Variants in ELF2 observed in about 807,000 individuals in gnomAD.
ELF2 encodes E74 like ETS transcription factor 2, also known as ETS-related transcription factor Elf-2.
In ELF2, 11 loss-of-function variants were observed where a neutral mutation model predicts 54.8. The ratio of observed to expected loss-of-function variants is 0.20; its 90% CI spans 0.13 to 0.33. The LOEUF is 0.33. Among genes scored for constraint, ELF2 ranks in the 10% least tolerant of loss-of-function variants. The probability of loss-of-function intolerance (pLI) is 1.00; values close to 1 mark genes in which losing one functional copy is unlikely to be tolerated. For synonymous variants in ELF2, 203 were observed against 245.1 expected (o/e 0.83, Z 1.61); for missense variants, 513 against 703.0 (o/e 0.73, Z 3.06).
rs1738495310 is a variant in ELF2 at position 139,139,481 on chromosome 4, C to A, written c.-235G>T. The stretch of plus-strand genomic sequence containing the variant: ...AACTTGGGAAGAGCTAAAATCTGAA[C>A]CAGTAGTTCTTTGGAACTGCCAGCG... On this transcript the variant is annotated 5_prime_UTR_variant, in exon 2 of 10. Transcript: ENST00000686138. 8.1e-7 allele frequency: 1 copy of A among 1,228,930 alleles called. No individual in the cohort carries two copies. The highest frequency in any genetic ancestry group is 4.1e-5 in the South Asian group (1 of 24,280). The allele number at this position is 1,228,930 out of a possible 1,614,324, so 76.1% of individuals were successfully genotyped here.
intron 4 of ELF2, among the ~76,000 whole-genome samples, chr4:139,077,786 A>C (rs1417109286): frequency 6.6e-6 from 1 of 152,210 alleles, no homozygotes; most frequent in Non-Finnish European, 1.5e-5. Context: ...GCAAGAGCTG[A>C]AAAGTAGAAT....
intron 1 of ELF2, among the ~76,000 whole-genome samples, chr4:139,170,080 T>TA (rs1311733446): frequency 6.6e-6 from 1 of 152,000 alleles, no homozygotes; most frequent in Non-Finnish European, 1.5e-5. Flanking sequence ...AAATAGATGA[T>TA]AAAATCTAAC....
Position 139,060,448 on chromosome 4 carries a change from G to A in ELF2, c.1033C>T (p.Pro345Ser), listed in dbSNP as rs1402483926. The A allele has an allele frequency of 8.7e-6, 14 of 1,614,138 alleles. No homozygotes were observed. Among genetic ancestry groups the A allele is most frequent in the Admixed American group, 1.7e-5 (1 of 60,018 alleles). Reference sequence around the variant, plus strand: ...TTCTCTGCTCTGGAGCAGTTTATAGGGGATGAATTTTTTCCACTGCGAACA... The same window carrying A: ...TTCTCTGCTCTGGAGCAGTTTATAGAGGATGAATTTTTTCCACTGCGAACA... The part of the protein sequence containing the change: ...SSVRSGKNSS[P>S]INCSRAEKGV... The change falls in exon 9 of 10, where the codon CCT becomes TCT. Residue 345 changes from proline to serine, a missense_variant. By Grantham distance (74) the Pro-to-Ser change is moderately conservative. Transcript: ENST00000686138.
Position 139,064,315 on chromosome 4 carries a change from A to G in ELF2, c.614-2258T>C, listed in dbSNP as rs531952201. Reference sequence around the variant, plus strand: ...GAGCGACAGAACGAGACTCCGTCTCAAGAAAAAAAGAACAGAAAAGAGTCC... The same window carrying G: ...GAGCGACAGAACGAGACTCCGTCTCGAGAAAAAAAGAACAGAAAAGAGTCC... On this transcript the variant is annotated intron_variant, in intron 7 of 9. Transcript: ENST00000686138. Among the ~76,000 whole-genome samples the G allele has an allele frequency of 2.0e-5, 3 of 152,328 alleles. No homozygotes were observed. The East Asian group carries it at 5.8e-4, about 29-fold the overall frequency.
At chr4:139,081,169 T>C (rs185858183) in intron 4 of ELF2, among the ~76,000 whole-genome samples, 2 of 152,148 alleles carry the variant, frequency 1.3e-5, no homozygotes, top group Non-Finnish European at 2.9e-5. Flanking sequence ...ATATTGTCCA[T>C]GAAATTTTAA....
At chr4:139,169,249 G>A (rs1742020050) in intron 1 of ELF2, among the ~76,000 whole-genome samples, 1 of 151,356 alleles carries the variant, frequency 6.6e-6, no homozygotes. Flanking sequence ...GTGGAAAGTT[G>A]AGGCAGGAGA....
At chr4:139,145,857 C>T (rs1388768756) in intron 1 of ELF2, among the ~76,000 whole-genome samples, 2 of 151,928 alleles carry the variant, frequency 1.3e-5, no homozygotes, top group Admixed American at 6.6e-5. Context: ...GATAAAAACA[C>T]CCAAAAAACA....
Position 139,059,099 on chromosome 4 carries a change from C to T in ELF2, c.1666G>A (p.Glu556Lys), listed in dbSNP as rs1181977202. The T allele has an allele frequency of 9.3e-6, 15 of 1,613,848 alleles. No homozygotes were observed. The highest frequency in any genetic ancestry group is 1.3e-5 in the Non-Finnish European group (15 of 1,179,874). Reference sequence around the variant, plus strand: ...GTCTTATTTCCATCTGCTGGTTTTTCTTCTACTAGCTGCAAAGTTTTCACA... The same window carrying T: ...GTCTTATTTCCATCTGCTGGTTTTTTTTCTACTAGCTGCAAAGTTTTCACA... The part of the protein sequence containing the change: ...HDVKTLQLVE[E>K]KPADGNKTVT... Residue 556 changes from glutamate (E) to lysine (K), a missense_variant, in exon 10 of 10, where the codon GAA becomes AAA. Physicochemically the swap from Glu to Lys is moderately conservative, Grantham distance 56. This residue lies in a region of ELF2 where 291 missense variants were observed against 366.1 expected (regional missense o/e 0.79). Coordinates refer to ENST00000686138, the MANE Select transcript of ELF2 (RefSeq NM_001331036.3).
chr4:139,150,957 G>A lies in ELF2; in HGVS notation c.-251-11460C>T, dbSNP rs1364661643. Among the ~76,000 whole-genome samples the A allele has an allele frequency of 1.0e-4, 14 of 139,032 alleles. No individual in the cohort carries two copies. The East Asian group carries it at 1.6e-3, about 16-fold the overall frequency. The allele number at this position is 139,032 out of a possible 152,430, so 91.2% of individuals were successfully genotyped here. ...GGAGAATGGCGTGAACCCGGGAGGC[G>A]AGCTTGCAGTGAGCCGAGATCGCAC... On this transcript the variant is annotated intron_variant, in intron 1 of 9. Transcript: ENST00000686138.
At chr4:139,156,604 A>C (rs774009404) in intron 1 of ELF2, among the ~76,000 whole-genome samples, 1 of 150,998 alleles carries the variant, frequency 6.6e-6, no homozygotes, top group Non-Finnish European at 1.5e-5. Flanking sequence ...ATAGATATAT[A>C]TATATATATT....
chr4:139,123,141 A>C (rs1736562971), intron 4 of ELF2, among the ~76,000 whole-genome samples: 1 of 150,144 alleles, frequency 6.7e-6, no homozygotes, highest in Non-Finnish European at 1.5e-5. Flanking sequence ...CCGAGATTGC[A>C]CCACTGCACT....
intron 4 of ELF2, among the ~76,000 whole-genome samples, chr4:139,079,022 G>A (rs1269302760): frequency 6.6e-6 from 1 of 151,992 alleles, no homozygotes; most frequent in Non-Finnish European, 1.5e-5. Context: ...TAGATCTCCT[G>A]GGGTGTGATC....
chr4:139,076,638 CAAT>C (rs1453061233), intron 4 of ELF2, among the ~76,000 whole-genome samples: 5 of 151,904 alleles, frequency 3.3e-5, no homozygotes, highest in African/African-American at 1.2e-4. Context: ...TTCAAGTATT[CAAT>C]AATAATACAG....
intron 4 of ELF2, chr4:139,084,459 C>CA: frequency 1.7e-6 from 2 of 1,150,606 alleles, no homozygotes; most frequent in Non-Finnish European, 1.1e-6. Flanking sequence ...GCGGCGGCGG[C>CA]GGCTGTGGCT....
In ELF2 at chr4:139,123,057, A is replaced by G. The variant is rs184718630; in HGVS notation, c.238+2107T>C. 7.0e-3 allele frequency among the ~76,000 whole-genome samples: 1,060 copies of G among 151,486 alleles called. 16 individuals are homozygous for G. The highest frequency in any genetic ancestry group is 0.025 in the African/African-American group (1,017 of 41,326). ...AAATTAGCTGGGCGTGGTGGTGTGC[A>G]CCTGTAGTCCCAGCTACTGGGGAGG... On this transcript the variant is annotated intron_variant, in intron 4 of 9. Coordinates refer to ENST00000686138, the MANE Select transcript of ELF2 (RefSeq NM_001331036.3).
intron 4 of ELF2, among the ~76,000 whole-genome samples, chr4:139,102,505 A>G (rs1733995390): frequency 6.7e-6 from 1 of 149,480 alleles, no homozygotes; most frequent in Non-Finnish European, 1.5e-5. Flanking sequence ...GCACCACTGC[A>G]CTCCAGCCTG....
At chr4:139,106,233 G>A (rs1002094434) in intron 4 of ELF2, among the ~76,000 whole-genome samples, 2 of 152,068 alleles carry the variant, frequency 1.3e-5, no homozygotes, top group African/African-American at 2.4e-5. Flanking sequence ...ACATGACTGA[G>A]AGGCTTTTTT....
chr4:139,110,178 C>A (rs1245831146), intron 4 of ELF2, among the ~76,000 whole-genome samples: 2 of 152,104 alleles, frequency 1.3e-5, no homozygotes, highest in Admixed American at 1.3e-4. Context: ...GAAAAAACTA[C>A]CTAATCACAA....
intron 4 of ELF2, among the ~76,000 whole-genome samples, chr4:139,074,373 T>C (rs1729971003): frequency 6.6e-6 from 1 of 152,154 alleles, no homozygotes; most frequent in Non-Finnish European, 1.5e-5. Flanking sequence ...ATTTAATCAA[T>C]TAATTCAATT....
Sources: allele counts gnomAD v4.1 joint callset (sites outside exome capture counted in the v4.1 genomes callset), GRCh38; gene constraint gnomAD v4.1.1; regional missense constraint gnomAD v4.1.1; transcripts MANE v1.5; gene names NCBI Gene and HGNC (gene_info 2026-07-23, HGNC 2026-07-21).